The following IDUA variants were observed in gnomAD, a reference collection of about 807,000 sequenced individuals.
IDUA encodes the protein alpha-L-iduronidase, also known as iduronidase alpha-L-.
IDUA carries 65 observed loss-of-function variants against 68.9 expected under a neutral mutation model. The ratio of observed to expected loss-of-function variants is 0.94; its 90% confidence interval spans 0.77 to 1.16. The LOEUF is 1.16. Ranked by LOEUF, IDUA falls within the 50% of genes most tolerant of loss-of-function variation. The pLI, the probability that IDUA is intolerant of heterozygous loss-of-function variation, is 0.00. For missense variants in IDUA, 1,046 were observed against 938.0 expected (o/e 1.12, Z -1.50); for synonymous variants, 529 against 433.6 (o/e 1.22, Z -2.73).
chr4:1,004,079 C>T lies in IDUA; in HGVS notation c.1795C>T (p.Pro599Ser), dbSNP rs773345479. ...GGCGTACACCCCGGTCAGCAGGAAG[C>T]CATCGACCTTCAACCTCTTTGTGTT... The part of the protein sequence containing the change: ...GKAYTPVSRK[P>S]STFNLFVFSP... The change falls in exon 13 of 14, where the codon CCA becomes TCA. Residue 599 changes from proline (P) to serine (S), a missense_variant. Transcript: ENST00000514224. The surrounding 1 kb of genome is among the most constrained non-coding windows in gnomAD (Gnocchi z 5.0). 6.2e-7 allele frequency: 1 copy of T among 1,612,832 alleles called. No homozygotes were observed. Among genetic ancestry groups the T allele is most frequent in the South Asian group, 1.1e-5 (1 of 91,010 alleles).
At chr4:989,409 G>T (rs373321958) in intron 2 of IDUA, 3 of 1,560,800 alleles carry the variant, frequency 1.9e-6, no homozygotes, top group Admixed American at 1.9e-5. Flanking sequence ...CCAGCAGGGC[G>T]GTGCGTGGGC....
intron 2 of IDUA, among the ~76,000 whole-genome samples, chr4:998,981 G>C (rs1164522454): frequency 6.6e-6 from 1 of 152,046 alleles, no homozygotes; most frequent in East Asian, 1.9e-4. Context: ...AAGGTGGGCG[G>C]ATCACGAGGT....
rs1240397905 is a variant in IDUA at position 1,002,562 on chromosome 4, G to A, written c.1189+77G>A. On this transcript the variant is annotated intron_variant, in intron 8 of 13. Coordinates refer to ENST00000514224, the MANE Select transcript of IDUA (RefSeq NM_000203.5). ...CGGCTCCTGCGAAGGCCCCGCTGCG[G>A]GGAGCGCACTTCCTCCAGCCGCGCG... The A allele has an allele frequency of 2.3e-6, 3 of 1,328,284 alleles. No individual in the cohort carries two copies. In the South Asian group the frequency reaches 4.9e-5, roughly 22 times the overall value. The allele number at this position is 1,328,284 out of a possible 1,614,324, so 82.3% of individuals were successfully genotyped here.
rs73219719 is a variant in IDUA at position 989,824 on chromosome 4, C to T, written c.299+1875C>T. The T allele has an allele frequency of 0.011, 16,668 of 1,580,354 alleles. 156 individuals are homozygous for T. The highest frequency in any genetic ancestry group is 0.041 in the Admixed American group (2,245 of 54,972). On this transcript the variant is annotated intron_variant, in intron 2 of 13. Transcript: ENST00000514224. ...CACAGCCAGCAGCTCCTGGTTGGCACGCACAGAGTAGCCGTGACTGCGGGC... is the reference window on the plus strand; with the variant it reads ...CACAGCCAGCAGCTCCTGGTTGGCATGCACAGAGTAGCCGTGACTGCGGGC...
intron 6 of IDUA, 49 bp from the exon 7 acceptor site, chr4:1,001,933 G>A (rs747265981): frequency 6.4e-7 from 1 of 1,569,152 alleles, no homozygotes; most frequent in Non-Finnish European, 8.6e-7. Flanking sequence ...CAGCCGCTGT[G>A]CCCCGGGCCG....
chr4:991,582 C>T lies in IDUA; in HGVS notation c.299+3633C>T. On this transcript the variant is annotated intron_variant, in intron 2 of 13. Coordinates refer to ENST00000514224, the MANE Select transcript of IDUA (RefSeq NM_000203.5). The stretch of plus-strand genomic sequence containing the variant: ...CAGCGCCCGGACGCACAGCACACTG[C>T]ACGAGCAGCTGCACCACAGCCTGGC... The T allele has an allele frequency of 6.3e-7, 1 of 1,599,796 alleles. No individual in the cohort carries two copies. The highest frequency in any genetic ancestry group is 8.5e-7 in the Non-Finnish European group (1 of 1,177,250).
intron 10 of IDUA, 73 bp downstream of exon 10, chr4:1,003,230 C>G (rs1409423974): frequency 3.1e-6 from 4 of 1,277,140 alleles, no homozygotes; most frequent in Non-Finnish European, 4.0e-6. Context: ...GGGGCGGGGG[C>G]TCCGAGGCGG....
chr4:999,423 G>A (rs1714945136), intron 2 of IDUA, among the ~76,000 whole-genome samples: 1 of 152,168 alleles, frequency 6.6e-6, no homozygotes, highest in East Asian at 1.9e-4. Flanking sequence ...TCCTGTTCCA[G>A]AGCCTTTGCA....
At position 989,459 on chromosome 4, in the gene IDUA, C is replaced by T. The variant is rs199694618; in HGVS notation, c.299+1510C>T. 2.2e-4 allele frequency: 346 copies of T among 1,553,662 alleles called. 3 individuals carry two copies. The South Asian group carries it at 3.6e-3, about 16-fold the overall frequency. On this transcript the variant is annotated intron_variant, in intron 2 of 13. Transcript: ENST00000514224. ...GCCAGGCTGAGCAGCGAGAGGATGACGCCAGCCAGCAGCCCGGCCTCTGTG... is the reference window on the plus strand; with the variant it reads ...GCCAGGCTGAGCAGCGAGAGGATGATGCCAGCCAGCAGCCCGGCCTCTGTG...
At chr4:996,910 G>A (rs1481244529) in intron 2 of IDUA, among the ~76,000 whole-genome samples, 4 of 152,180 alleles carry the variant, frequency 2.6e-5, no homozygotes, top group Non-Finnish European at 5.9e-5. Flanking sequence ...CTTGGCCCAC[G>A]CAGGACAGGG....
chr4:1,001,188 G>A (rs1029438840), intron 4 of IDUA, 199 bp downstream of exon 4: 1 of 619,038 alleles, frequency 1.6e-6, no homozygotes, highest in South Asian at 1.9e-5. Context: ...GGTACTCCTG[G>A]GCTTGGTGGG....
rs183800311 is a variant in IDUA, at chr4:992,055, G to A, written c.299+4106G>A. Reference sequence around the variant, plus strand: ...CTCAGCTCCGGCCTATTGGCTCTGCGGTTCCTGGCTGAAAACCACCCTGTA... The same window carrying A: ...CTCAGCTCCGGCCTATTGGCTCTGCAGTTCCTGGCTGAAAACCACCCTGTA... On this transcript the variant is annotated intron_variant, in intron 2 of 13. Transcript: ENST00000514224. 353 of 562,996 alleles carry A rather than the reference G, an allele frequency of 6.3e-4. 3 individuals carry two copies. The East Asian group carries it at 0.012, about 19-fold the overall frequency. 34.9% of individuals were successfully genotyped at this position (562,996 alleles called of 1,614,324 possible). A position where few individuals can be genotyped will look rare whatever the true frequency, so the allele number is the denominator to read the frequency against.
At position 1,002,760 on chromosome 4, in the gene IDUA, G is replaced by A. The variant is rs917822878; in HGVS notation, c.1218G>A (p.Ser406=). The change falls in exon 9 of 14, where the codon TCG becomes TCA. Residue 406 remains serine, a synonymous_variant. Coordinates refer to ENST00000514224, the MANE Select transcript of IDUA (RefSeq NM_000203.5). Reference sequence around the variant, plus strand: ...AGGAGCAGCTCTGGGCCGAAGTGTCGCAGGCCGGGACCGTCCTGGACAGCA... The same window carrying A: ...AGGAGCAGCTCTGGGCCGAAGTGTCACAGGCCGGGACCGTCCTGGACAGCA... ...LDEEQLWAEV[S]QAGTVLDSNH... is the part of the protein sequence containing the mutation. The A allele has an allele frequency of 6.7e-6, 10 of 1,483,408 alleles. No individual in the cohort carries two copies. Among genetic ancestry groups the A allele is most frequent in the East Asian group, 2.9e-5 (1 of 34,962 alleles). The allele number at this position is 1,483,408 out of a possible 1,614,324, so 91.9% of individuals were successfully genotyped here. A position where few individuals can be genotyped will look rare whatever the true frequency, so the allele number is the denominator to read the frequency against.
At chr4:989,295 A>G in intron 2 of IDUA, 8 of 1,612,532 alleles carry the variant, frequency 5.0e-6, no homozygotes, top group Non-Finnish European at 6.8e-6. Context: ...CCTTGTTGGC[A>G]TAGTACAGCG....
chr4:997,587 G>T (rs1359826573), intron 2 of IDUA, among the ~76,000 whole-genome samples: 1 of 151,826 alleles, frequency 6.6e-6, no homozygotes. Flanking sequence ...GACACCCCGC[G>T]CGGGGTCTAC....
In IDUA at chr4:1,002,730, A is replaced by G; in HGVS notation, c.1190-2A>G. ...CGGCGACGGCCCCCCCCCGCCCCGC[A>G]GATGAGGAGCAGCTCTGGGCCGAAG... On this transcript the variant is annotated splice_acceptor_variant, in intron 8 of 13. Coordinates refer to ENST00000514224, the MANE Select transcript of IDUA (RefSeq NM_000203.5). LOFTEE classifies it high-confidence loss of function. 1 of 1,335,744 alleles carries G rather than the reference A, an allele frequency of 7.5e-7. No homozygotes were observed. The highest frequency in any genetic ancestry group is 3.2e-5 in the East Asian group (1 of 31,284). 82.7% of individuals were successfully genotyped at this position (1,335,744 alleles called of 1,614,324 possible). A position where few individuals can be genotyped will look rare whatever the true frequency, so the allele number is the denominator to read the frequency against.
chr4:990,848 CACT>C (rs776983415), intron 2 of IDUA: 17 of 478,886 alleles, frequency 3.5e-5, no homozygotes, highest in Non-Finnish European at 5.5e-5. Context: ...AGTCCAGCAC[CACT>C]GAGCCACAGC....
chr4:1,002,793 G>T lies in IDUA; in HGVS notation c.1251G>T (p.Thr417=). 1 of 1,468,342 alleles carries T rather than the reference G, an allele frequency of 6.8e-7. No homozygotes were observed. Among genetic ancestry groups the T allele is most frequent in the Non-Finnish European group, 9.0e-7 (1 of 1,115,780 alleles). The allele number at this position is 1,468,342 out of a possible 1,614,324, so 91.0% of individuals were successfully genotyped here. ...QAGTVLDSNH[T]VGVLASAHRP... is the part of the protein sequence containing the mutation. ...GGACCGTCCTGGACAGCAACCACAC[G>T]GTGGGCGTCCTGGCCAGCGCCCACC... Residue 417 remains threonine (T), a synonymous_variant, in exon 9 of 14, where the codon ACG becomes ACT. Coordinates refer to ENST00000514224, the MANE Select transcript of IDUA (RefSeq NM_000203.5).
chr4:987,559 G>A, intron 1 of IDUA: 1 of 1,262,620 alleles, frequency 7.9e-7, no homozygotes, highest in East Asian at 2.6e-5. Flanking sequence ...ACCTAGAGCT[G>A]AGGTACCCGC....
Sources: allele counts gnomAD v4.1 joint callset (sites outside exome capture counted in the v4.1 genomes callset), GRCh38; gene constraint gnomAD v4.1.1; non-coding constraint Gnocchi (gnomAD v3.1); transcripts MANE v1.5; gene names NCBI Gene and HGNC (gene_info 2026-07-23, HGNC 2026-07-21).